PER3: variants seen among roughly 807,000 people sequenced by gnomAD.
PER3 encodes period circadian regulator 3.
PER3 carries 107 observed loss-of-function variants against 127.2 expected under a neutral mutation model. That is an observed-to-expected ratio of 0.84 (90% CI 0.72 to 0.99). PER3 has a LOEUF of 0.99. PER3 is among the 50% of genes least tolerant of loss of function. The pLI is 0.00. For synonymous variants in PER3, 618 were observed against 585.8 expected (o/e 1.05, Z -0.79); for missense variants, 1,560 against 1,525.8 (o/e 1.02, Z -0.37).
Position 7,827,511 on chromosome 1 carries a change from C to T in PER3, c.2582C>T (p.Pro861Leu). The T allele has an allele frequency of 1.2e-6, 2 of 1,614,238 alleles. No individual in the cohort carries two copies. Among genetic ancestry groups the T allele is most frequent in the East Asian group, 2.2e-5 (1 of 44,884 alleles). ...GATACTTTTATGACCGTTTTCCTGC[C>T]TGACCCCCCTGTCTGTCCTCTGTTG... The part of the protein sequence containing the change: ...YLDTFMTVFL[P>L]DPPVCPLLSP... The change falls in exon 18 of 22, where the codon CCT (proline) becomes CTT (leucine). Residue 861 changes from proline to leucine, a missense_variant. Physicochemically the swap from Pro to Leu is moderately conservative, Grantham distance 98 (BLOSUM62 -3). Coordinates refer to ENST00000377532, the MANE Select transcript of PER3 (RefSeq NM_001377275.1).
chr1:7,790,168 C>T (rs1249874395), intron 5 of PER3, among the ~76,000 whole-genome samples: 1 of 152,138 alleles, frequency 6.6e-6, no homozygotes, highest in Non-Finnish European at 1.5e-5. Context: ...CGATATTTCC[C>T]TTCTGTATTA....
chr1:7,793,365 A>G (rs1225347321), intron 5 of PER3, among the ~76,000 whole-genome samples: 2 of 152,166 alleles, frequency 1.3e-5, no homozygotes, highest in Non-Finnish European at 2.9e-5. Context: ...CTAGCAAATC[A>G]TTGGCATGAG....
At chr1:7,806,112 C>T (rs2097191371) in intron 10 of PER3, among the ~76,000 whole-genome samples, 1 of 152,070 alleles carries the variant, frequency 6.6e-6, no homozygotes, top group Non-Finnish European at 1.5e-5. Flanking sequence ...ATGGGAGAGA[C>T]AGTAAATAAA....
intron 5 of PER3, among the ~76,000 whole-genome samples, chr1:7,791,417 G>T (rs1382264199): frequency 6.6e-6 from 1 of 152,210 alleles, no homozygotes; most frequent in Non-Finnish European, 1.5e-5. Flanking sequence ...GGAATGGAGG[G>T]CATCATGTCC....
rs2097307457 is a variant in PER3, at chr1:7,827,459, T to C, written c.2530T>C (p.Tyr844His). 6.2e-7 allele frequency: 1 copy of C among 1,614,212 alleles called. No individual in the cohort carries two copies. Among genetic ancestry groups the C allele is most frequent in the African/African-American group, 1.3e-5 (1 of 75,074 alleles). Reference protein sequence around the residue: ...GLPLSEGLQPYPAFPFPYLDT... With the variant: ...GLPLSEGLQPHPAFPFPYLDT... ...GCCCTTGTCCGAGGGCTTGCAGCCT[T>C]ACCCAGCTTTCCCTTTTCCTTACTT... Residue 844 changes from tyrosine (Y) to histidine (H), a missense_variant, in exon 18 of 22, where the codon TAC becomes CAC. Tyr to His is a moderately conservative substitution (Grantham distance 83, BLOSUM62 2). Around this residue, in one of 3 missense-constraint regions of PER3, gnomAD observed 1,332 missense variants for 1,223.6 expected, o/e 1.09. Transcript: ENST00000377532.
At chr1:7,815,031 A>G (rs1312195685) in intron 13 of PER3, among the ~76,000 whole-genome samples, 1 of 152,208 alleles carries the variant, frequency 6.6e-6, no homozygotes, top group African/African-American at 2.4e-5. Context: ...GAGTGGTGTT[A>G]TGTGCCAGCT....
chr1:7,810,097 CT>C, intron 12 of PER3, 76 bp downstream of exon 12: 1 of 1,366,958 alleles, frequency 7.3e-7, no homozygotes, highest in Non-Finnish European at 1.0e-6. Context: ...GTGGTGACAT[CT>C]TAGTATATAT....
At chr1:7,809,848 T>C (rs2097211337) in intron 11 of PER3, 45 bp from the exon 12 acceptor site, 1 of 1,594,040 alleles carries the variant, frequency 6.3e-7, no homozygotes, top group Admixed American at 1.7e-5. Context: ...GTGGCTGCAT[T>C]TGAACAGCCA....
chr1:7,841,340 A>G (rs971395801), intron 21 of PER3, among the ~76,000 whole-genome samples: 1 of 151,810 alleles, frequency 6.6e-6, no homozygotes, highest in African/African-American at 2.4e-5. Flanking sequence ...TAACATAGTA[A>G]TTCTGGAAAC....
intron 13 of PER3, among the ~76,000 whole-genome samples, chr1:7,811,289 A>G (rs7543516): frequency 0.16 from 23,852 of 152,164 alleles, 2,123 homozygotes; most frequent in Admixed American, 0.19. Flanking sequence ...TCAAATGTAG[A>G]CGTTTTACAC....
rs867230352 is a variant in PER3 at position 7,826,939 on chromosome 1, A to T, written c.2189-179A>T. 9.9e-5 allele frequency among the ~76,000 whole-genome samples: 15 copies of T among 152,278 alleles called. No homozygotes were observed. Among genetic ancestry groups the T allele is most frequent in the Admixed American group, 8.5e-4 (13 of 15,294 alleles). ...GATCGAGAGATGCTGAAATAAGTTT[A>T]TTTGATAGCAACTATTTTTATCCGG... On this transcript the variant is annotated intron_variant, in intron 17 of 21. Transcript: ENST00000377532. The surrounding 1 kb of genome is among the most constrained non-coding windows in gnomAD (Gnocchi z 4.2).
intron 7 of PER3, among the ~76,000 whole-genome samples, chr1:7,799,051 T>C (rs1250247776): frequency 6.6e-6 from 1 of 152,224 alleles, no homozygotes; most frequent in Non-Finnish European, 1.5e-5. Flanking sequence ...TGAAGTCTTC[T>C]GAAACTCCCT....
chr1:7,827,276 G>T lies in PER3; in HGVS notation c.2347G>T (p.Ala783Ser), dbSNP rs1371381274. The T allele has an allele frequency of 6.2e-7, 1 of 1,613,778 alleles. No individual in the cohort carries two copies. The highest frequency in any genetic ancestry group is 8.5e-7 in the Non-Finnish European group (1 of 1,179,872). The change falls in exon 18 of 22, where the codon GCC (alanine) becomes TCC (serine). Residue 783 changes from alanine (A) to serine (S), a missense_variant. Transcript: ENST00000377532. ...QNAQPCCPSA[A>S]SSPHTSSPTF... ...CGCACAGCCCTGCTGCCCCTCCGCG[G>T]CCTCCTCTCCGCACACCTCGAGCCC...
At chr1:7,803,250 G>A in intron 9 of PER3, 97 bp downstream of exon 9, 1 of 785,494 alleles carries the variant, frequency 1.3e-6, no homozygotes. Flanking sequence ...TTTAACCAGA[G>A]AGGCATTACA....
chr1:7,788,709 G>GC (rs2097103799), intron 5 of PER3: 1 of 167,536 alleles, frequency 6.0e-6, no homozygotes, highest in South Asian at 1.4e-4. Flanking sequence ...TTCCAGACCA[G>GC]CCTGGCCAAC....
intron 12 of PER3, 24 bp from the exon 13 acceptor site, chr1:7,810,414 T>TATTTTATC: frequency 6.5e-7 from 1 of 1,538,290 alleles, no homozygotes; most frequent in Admixed American, 2.0e-5. Context: ...TTTTGAAACA[T>TATTTTATC]ATTTTATCAT....
At chr1:7,813,788 G>T (rs956564926) in intron 13 of PER3, among the ~76,000 whole-genome samples, 2 of 152,062 alleles carry the variant, frequency 1.3e-5, no homozygotes, top group South Asian at 4.1e-4. Flanking sequence ...TTCTCAACAA[G>T]AAATTATGTA....
intron 10 of PER3, among the ~76,000 whole-genome samples, chr1:7,804,413 T>TC (rs2097184170): frequency 6.6e-6 from 1 of 150,644 alleles, no homozygotes; most frequent in African/African-American, 2.5e-5. Context: ...TTTTTTTTTT[T>TC]CTTTGAGACA....
intron 13 of PER3, among the ~76,000 whole-genome samples, chr1:7,815,471 AAG>A (rs768239129): frequency 2.6e-5 from 4 of 152,218 alleles, no homozygotes; most frequent in African/African-American, 7.2e-5. Flanking sequence ...TAGAGTTAGA[AAG>A]AGAGACTGTG....
Sources: gnomAD v4.1 joint callset for allele counts (sites outside exome capture counted in the v4.1 genomes callset) on GRCh38, gnomAD v4.1.1 for gene constraint, gnomAD v4.1.1 regional missense constraint, Gnocchi (gnomAD v3.1) non-coding constraint, MANE v1.5 for transcripts, NCBI Gene and HGNC (gene_info 2026-07-23, HGNC 2026-07-21) for gene names.